Variants in CMTM8 observed in about 807,000 individuals in gnomAD.
The protein encoded by CMTM8 is CKLF like MARVEL transmembrane domain containing 8.
Under a neutral mutation model 18.6 loss-of-function variants are expected in CMTM8, and 12 were observed. The ratio of observed to expected loss-of-function variants is 0.65; its 90% CI spans 0.41 to 1.05. The LOEUF is 1.05. Among genes scored for constraint, CMTM8 ranks in the 50% least tolerant of loss-of-function variants. The probability of loss-of-function intolerance (pLI) is 0.00; values close to 1 mark genes in which losing one functional copy is unlikely to be tolerated. For missense variants in CMTM8, 217 were observed against 227.2 expected, an observed-to-expected ratio of 0.95 and a Z score of 0.29; for synonymous variants, 87 against 90.6, an observed-to-expected ratio of 0.96 and a Z score of 0.23.
chr3:32,345,383 A>C (rs867452837), intron 1 of CMTM8, among the ~76,000 whole-genome samples: 5 of 152,208 alleles, frequency 3.3e-5, no homozygotes, highest in African/African-American at 1.2e-4. Flanking sequence ...TTTTCTTCAT[A>C]GAAAAACACA....
chr3:32,275,668 G>T (rs1287615244), intron 1 of CMTM8, among the ~76,000 whole-genome samples: 1 of 48,942 alleles, frequency 2.0e-5, no homozygotes. Context: ...TTTTTTTTTG[G>T]GGACAGAGTC....
intron 1 of CMTM8, among the ~76,000 whole-genome samples, chr3:32,299,089 A>G (rs1337033965): frequency 6.6e-6 from 1 of 151,454 alleles, no homozygotes; most frequent in Non-Finnish European, 1.5e-5. Context: ...TGCCCCGCTC[A>G]GATTGCTGCT....
intron 1 of CMTM8, among the ~76,000 whole-genome samples, chr3:32,320,492 G>A (rs535744774): frequency 6.6e-6 from 1 of 152,282 alleles, no homozygotes; most frequent in South Asian, 2.1e-4. Context: ...GGAGAGAATG[G>A]GGAACAGCTG....
chr3:32,296,445 G>C (rs991488471), intron 1 of CMTM8, among the ~76,000 whole-genome samples: 1 of 152,194 alleles, frequency 6.6e-6, no homozygotes, highest in African/African-American at 2.4e-5. Context: ...CGTAGAATAG[G>C]AAGTGGATAC....
intron 1 of CMTM8, among the ~76,000 whole-genome samples, chr3:32,339,798 C>G (rs1217035017): frequency 1.3e-5 from 2 of 152,074 alleles, no homozygotes; most frequent in African/African-American, 2.4e-5. Flanking sequence ...CCCATCTCTA[C>G]TAAAAATACA....
rs1401274406 is a variant in CMTM8, at chr3:32,367,988, G to A, written c.438G>A (p.Ser146=). The change falls in exon 3 of 4, where the codon TCG becomes TCA. Residue 146 remains serine (S), a splice_region_variant and synonymous_variant. Coordinates refer to ENST00000307526, the MANE Select transcript of CMTM8 (RefSeq NM_178868.5). ...SHNFNSWAAS[S]FFAFLVTICY... ...ACTTCAACAGCTGGGCGGCCTCATC[G>A]GTGAGTAGCCCTCCATCCCCACATG... The A allele has an allele frequency of 6.3e-6, 10 of 1,592,474 alleles. No individual in the cohort carries two copies. The highest frequency in any genetic ancestry group is 4.5e-5 in the East Asian group (2 of 44,760).
chr3:32,298,720 TCTC>T (rs1054113235), intron 1 of CMTM8, among the ~76,000 whole-genome samples: 1 of 150,040 alleles, frequency 6.7e-6, no homozygotes, highest in African/African-American at 2.4e-5. Flanking sequence ...ACTGCAGCCT[TCTC>T]CTGAGCTCCA....
intron 1 of CMTM8, among the ~76,000 whole-genome samples, chr3:32,344,255 G>A (rs1696553588): frequency 6.6e-6 from 1 of 152,200 alleles, no homozygotes; most frequent in Non-Finnish European, 1.5e-5. Context: ...CCTGAGCTAA[G>A]CCAGCTGGGA....
chr3:32,242,968 C>G (rs1701962390), intron 1 of CMTM8, among the ~76,000 whole-genome samples: 1 of 152,058 alleles, frequency 6.6e-6, no homozygotes, highest in Middle Eastern at 3.4e-3. Context: ...TCCCAGCTCA[C>G]TGCAACCTCT....
At chr3:32,294,383 G>T (rs1350591416) in intron 1 of CMTM8, among the ~76,000 whole-genome samples, 1 of 152,152 alleles carries the variant, frequency 6.6e-6, no homozygotes, top group African/African-American at 2.4e-5. Context: ...AACGTTTTCC[G>T]ATTATGCTTT....
chr3:32,319,074 ATTT>A (rs1177949113), intron 1 of CMTM8, among the ~76,000 whole-genome samples: 1 of 31,530 alleles, frequency 3.2e-5, no homozygotes, highest in African/African-American at 1.5e-4. Context: ...ATATATATAT[ATTT>A]TTTTTTTTTT....
intron 1 of CMTM8, among the ~76,000 whole-genome samples, chr3:32,314,170 T>G (rs7639933): frequency 6.6e-6 from 1 of 152,188 alleles, no homozygotes; most frequent in Admixed American, 6.5e-5. Flanking sequence ...CATCATTACT[T>G]TGTTCTCCAT....
rs533430069 is a variant in CMTM8, at chr3:32,335,563, GT to G, written c.148-21807del. ...ACTCTCTCCATCTCTGCAGCCATGAGTTTACTGACCTTGGCCATTGGACCCT... is the reference window on the plus strand; with the variant it reads ...ACTCTCTCCATCTCTGCAGCCATGAGTTACTGACCTTGGCCATTGGACCCT... On this transcript the variant is annotated intron_variant, in intron 1 of 3. Transcript: ENST00000307526. Among the ~76,000 whole-genome samples, 24 of 152,316 alleles carry G rather than the reference GT, an allele frequency of 1.6e-4. No homozygotes were observed. In the South Asian group the frequency reaches 4.6e-3, roughly 29 times the overall value.
chr3:32,283,326 C>T (rs576139654), intron 1 of CMTM8, among the ~76,000 whole-genome samples: 5 of 152,274 alleles, frequency 3.3e-5, no homozygotes, highest in South Asian at 2.1e-4. Flanking sequence ...CATGTTATAA[C>T]GTGTCATACA....
intron 2 of CMTM8, among the ~76,000 whole-genome samples, chr3:32,361,877 A>C (rs985705568): frequency 6.6e-6 from 1 of 152,084 alleles, no homozygotes; most frequent in African/African-American, 2.4e-5. Flanking sequence ...TCAAAGCAAT[A>C]AAATTTGCCT....
chr3:32,276,635 G>A (rs1426889370), intron 1 of CMTM8, among the ~76,000 whole-genome samples: 1 of 152,072 alleles, frequency 6.6e-6, no homozygotes, highest in East Asian at 1.9e-4. Flanking sequence ...ATTAGCTGGG[G>A]CCCCAGGCAA....
intron 1 of CMTM8, among the ~76,000 whole-genome samples, chr3:32,314,075 T>C (rs1695875524): frequency 6.6e-6 from 1 of 152,190 alleles, no homozygotes; most frequent in African/African-American, 2.4e-5. Flanking sequence ...CCGAGGCTAG[T>C]TCCTGGAGAG....
chr3:32,309,441 G>A (rs1039688245), intron 1 of CMTM8, among the ~76,000 whole-genome samples: 14 of 151,276 alleles, frequency 9.3e-5, no homozygotes, highest in African/African-American at 2.7e-4. Flanking sequence ...CTGAGTAGCT[G>A]GGATTACAGG....
rs1222014147 is a variant in CMTM8, at chr3:32,259,688, G to A, written c.147+20569G>A. Reference sequence around the variant, plus strand: ...TCAGGACCTTGCCAAGATCATGGCAGACATCCAGGCCCAATATGACGAGCT... The same window carrying A: ...TCAGGACCTTGCCAAGATCATGGCAAACATCCAGGCCCAATATGACGAGCT... On this transcript the variant is annotated intron_variant, in intron 1 of 3. Transcript: ENST00000307526. 8 of 1,156,388 alleles carry A rather than the reference G, an allele frequency of 6.9e-6. No individual in the cohort carries two copies. In the East Asian group the frequency reaches 1.9e-4, roughly 27 times the overall value. The allele number at this position is 1,156,388 out of a possible 1,614,324, so 71.6% of individuals were successfully genotyped here.
Sources: gnomAD v4.1 joint callset for allele counts (sites outside exome capture counted in the v4.1 genomes callset) on GRCh38, gnomAD v4.1.1 for gene constraint, MANE v1.5 for transcripts, NCBI Gene and HGNC (gene_info 2026-07-23, HGNC 2026-07-21) for gene names.